Variants in HYAL4 observed in about 807,000 individuals in gnomAD.
HYAL4 encodes the protein hyaluronidase-4.
HYAL4 carries 37 observed loss-of-function variants against 35.2 expected under a neutral mutation model. The observed-to-expected ratio is 1.05, with a 90% CI of 0.81 to 1.38. The LOEUF is 1.38. Among genes scored for constraint, HYAL4 ranks in the 40% most tolerant of loss-of-function variants. The pLI is 0.00. For synonymous variants in HYAL4, 198 were observed against 203.2 expected (o/e 0.97, Z 0.22); for missense variants, 572 against 572.4 (o/e 1.00, Z 0.01).
At chr7:123,780,285 T>C in the HYAL4 span, among the ~76,000 whole-genome samples, 1 of 152,172 alleles carries the variant, frequency 6.6e-6, no homozygotes, top group East Asian at 1.9e-4. Context: ...TCCTTGCTCT[T>C]ACCCACTGCA....
upstream of HYAL4, among the ~76,000 whole-genome samples, chr7:123,843,809 C>T (rs1325597122): frequency 2.0e-5 from 3 of 151,832 alleles, no homozygotes; most frequent in Non-Finnish European, 2.9e-5. Flanking sequence ...CTTGTGCATC[C>T]GTCATGAAGT....
At chr7:123,843,320 A>T (rs570334827), upstream of HYAL4, among the ~76,000 whole-genome samples, 2 of 152,046 alleles carry the variant, frequency 1.3e-5, no homozygotes, top group Non-Finnish European at 2.9e-5. Flanking sequence ...AATGTTGAAT[A>T]TTGGCCTCCA....
intron 2 of HYAL4, among the ~76,000 whole-genome samples, chr7:123,859,239 A>G (rs149091614): frequency 0.031 from 4,713 of 152,270 alleles, 96 homozygotes; most frequent in Non-Finnish European, 0.047. Context: ...TCATTTTTTC[A>G]TATCCAATTT....
chr7:123,876,097 G>A, intron 4 of HYAL4: 1 of 455,864 alleles, frequency 2.2e-6, no homozygotes, highest in South Asian at 1.6e-5. Context: ...GTGCACACAG[G>A]TGGCCTCTGT....
intron 2 of HYAL4, among the ~76,000 whole-genome samples, chr7:123,865,207 A>G (rs1806657865): frequency 6.6e-6 from 1 of 152,218 alleles, no homozygotes; most frequent in South Asian, 2.1e-4. Context: ...GAATGAGACC[A>G]AAGCAGGAAG....
the HYAL4 span, among the ~76,000 whole-genome samples, chr7:123,817,182 T>G: frequency 6.6e-6 from 1 of 152,036 alleles, no homozygotes; most frequent in African/African-American, 2.4e-5. Flanking sequence ...ATCTCCCATC[T>G]CTCCCTATTT....
intron 2 of HYAL4, among the ~76,000 whole-genome samples, chr7:123,861,381 A>C (rs1273117930): frequency 6.6e-6 from 1 of 152,210 alleles, no homozygotes; most frequent in Non-Finnish European, 1.5e-5. Flanking sequence ...ACATAAATCA[A>C]CTTAATGTTA....
the HYAL4 span, among the ~76,000 whole-genome samples, chr7:123,766,315 A>G: frequency 6.6e-6 from 1 of 152,208 alleles, no homozygotes; most frequent in South Asian, 2.1e-4. Context: ...ATATGAATCC[A>G]TTAGCAATAT....
At chr7:123,836,800 A>G (rs36924) in intron 1 of HYAL4, among the ~76,000 whole-genome samples, 128,460 of 152,120 alleles carry the variant, frequency 0.84, 54,354 homozygotes, top group Non-Finnish European at 0.87. Flanking sequence ...AGGCCAAGGC[A>G]GGTGGATCAC....
chr7:123,815,524 G>C, the HYAL4 span, among the ~76,000 whole-genome samples: 1 of 152,110 alleles, frequency 6.6e-6, no homozygotes, highest in Non-Finnish European at 1.5e-5. Flanking sequence ...GTCTTTAACA[G>C]TCAACAATGC....
At chr7:123,766,578 G>A in the HYAL4 span, among the ~76,000 whole-genome samples, 3 of 151,962 alleles carry the variant, frequency 2.0e-5, no homozygotes, top group African/African-American at 7.2e-5. Context: ...TGACTTAATG[G>A]AAGATTTTAT....
At chr7:123,842,807 C>G (rs1806095575), upstream of HYAL4, among the ~76,000 whole-genome samples, 1 of 151,964 alleles carries the variant, frequency 6.6e-6, no homozygotes, top group Non-Finnish European at 1.5e-5. Flanking sequence ...TTTGCAGAGA[C>G]TAGGATTGCA....
chr7:123,796,968 C>G, the HYAL4 span, among the ~76,000 whole-genome samples: 2 of 152,052 alleles, frequency 1.3e-5, no homozygotes, highest in East Asian at 3.9e-4. Flanking sequence ...GAAACAAGAT[C>G]TCAAAAAAAA....
the HYAL4 span, among the ~76,000 whole-genome samples, chr7:123,769,241 A>G: frequency 6.6e-6 from 1 of 152,202 alleles, no homozygotes; most frequent in African/African-American, 2.4e-5. Context: ...TCTTGGGAAG[A>G]TGTAAAGATT....
chr7:123,862,511 C>T (rs549030780), intron 2 of HYAL4, among the ~76,000 whole-genome samples: 10 of 152,242 alleles, frequency 6.6e-5, no homozygotes, highest in Admixed American at 3.3e-4. Context: ...TCACTCTAAT[C>T]GTAAAGATCA....
Position 123,861,378 on chromosome 7 carries a change from T to A in HYAL4, c.-51-6845T>A, listed in dbSNP as rs1217728007. ...TTAATTAAAAACCTGAAGACATAAA[T>A]CAACTTAATGTTATCTTAAGGAACT... On this transcript the variant is annotated intron_variant, in intron 2 of 4. Transcript: ENST00000223026. Among the ~76,000 whole-genome samples the A allele has an allele frequency of 2.6e-5, 4 of 152,192 alleles. No individual in the cohort carries two copies. In the East Asian group the frequency reaches 7.7e-4, roughly 29 times the overall value.
the HYAL4 span, among the ~76,000 whole-genome samples, chr7:123,778,166 T>A: frequency 1.7e-5 from 2 of 118,618 alleles, no homozygotes; most frequent in African/African-American, 7.6e-5. Flanking sequence ...TCTGTCTATC[T>A]ATCTATCTAT....
rs866445053 is a variant in HYAL4, at chr7:123,852,598, A to C, written c.-52+4440A>C. On this transcript the variant is annotated intron_variant, in intron 2 of 4. Transcript: ENST00000223026. ...TCTGTTCTCTTCCATTGGTCTATAT[A>C]TTTGTTTTGGTACCAGTACCATGCT... is the stretch of plus-strand genomic sequence containing the variant. 5.3e-5 allele frequency among the ~76,000 whole-genome samples: 8 copies of C among 151,912 alleles called. No homozygotes were observed. The South Asian group carries it at 6.3e-4, about 12-fold the overall frequency.
At chr7:123,809,475 A>G in the HYAL4 span, among the ~76,000 whole-genome samples, 1 of 143,748 alleles carries the variant, frequency 7.0e-6, no homozygotes, top group Non-Finnish European at 1.5e-5. Context: ...GGCTCACTGC[A>G]ACCTCCACCT....
Sources: allele counts gnomAD v4.1 joint callset (sites outside exome capture counted in the v4.1 genomes callset), GRCh38; gene constraint gnomAD v4.1.1; transcripts MANE v1.5; gene names NCBI Gene and HGNC (gene_info 2026-07-23, HGNC 2026-07-21).